Variants in EVA1C observed in about 807,000 individuals in gnomAD.
EVA1C encodes the protein protein eva-1 homolog C.
In EVA1C, 25 loss-of-function variants were observed where a neutral mutation model predicts 45.4. The ratio of observed to expected loss-of-function variants is 0.55; its 90% CI spans 0.40 to 0.77. EVA1C has a LOEUF of 0.77. Among genes scored for constraint, EVA1C ranks in the 30% least tolerant of loss-of-function variants. EVA1C has a pLI of 0.00. For missense variants in EVA1C, 479 were observed against 554.8 expected (o/e 0.86, Z 1.37); for synonymous variants, 190 against 221.2 (o/e 0.86, Z 1.25).
rs55946835 is a variant in EVA1C, at chr21:32,486,729, T to C, written c.635-8298T>C. ...ATAATATGTGTAACACTTATGTAGG[T>C]TGTAAAAGGAGAATAATATAGTGCA... is the stretch of plus-strand genomic sequence containing the variant. On this transcript the variant is annotated intron_variant, in intron 4 of 7. Coordinates refer to ENST00000300255, the MANE Select transcript of EVA1C (RefSeq NM_058187.5). Among the ~76,000 whole-genome samples the C allele has an allele frequency of 2.4e-3, 361 of 152,290 alleles. 2 individuals carry two copies. The highest frequency in any genetic ancestry group is 8.3e-3 in the African/African-American group (345 of 41,552).
Position 32,450,883 on chromosome 21 carries a change from C to T in EVA1C, c.161-2429C>T, listed in dbSNP as rs559866194. ...GACCCACACTCCTGGTGCCAATGTC[C>T]GTTTTGCCACTCATGTTAGATTTTG... On this transcript the variant is annotated intron_variant, in intron 1 of 7. Transcript: ENST00000300255. Among the ~76,000 whole-genome samples, 4 of 152,298 alleles carry T rather than the reference C, an allele frequency of 2.6e-5. No individual in the cohort carries two copies. In the South Asian group the frequency reaches 6.2e-4, roughly 24 times the overall value.
intron 1 of EVA1C, among the ~76,000 whole-genome samples, chr21:32,442,975 G>A (rs1033386120): frequency 7.0e-6 from 1 of 142,914 alleles, no homozygotes; most frequent in Non-Finnish European, 1.5e-5. Flanking sequence ...GAAGGAAGAA[G>A]GGAAGGAAGG....
At chr21:32,444,552 C>A (rs547301932) in intron 1 of EVA1C, among the ~76,000 whole-genome samples, 2 of 152,132 alleles carry the variant, frequency 1.3e-5, no homozygotes, top group Non-Finnish European at 2.9e-5. Context: ...CGTGGGTGCC[C>A]TGACTTCCAA....
At chr21:32,487,986 G>T (rs10084573) in intron 4 of EVA1C, among the ~76,000 whole-genome samples, 39,023 of 152,076 alleles carry the variant, frequency 0.26, 5,175 homozygotes, top group Admixed American at 0.32. Flanking sequence ...GGGGCTGGGG[G>T]GTAGTCTTGT....
upstream of EVA1C, chr21:32,412,607 C>G: frequency 2.6e-6 from 1 of 390,056 alleles, no homozygotes; most frequent in Non-Finnish European, 4.5e-6. Context: ...GAGATTTCCT[C>G]TCGGGGAAAC....
rs777007105 is a variant in EVA1C, at chr21:32,515,028, G to C, written c.1164G>C (p.Gly388=). 6.2e-7 allele frequency: 1 copy of C among 1,614,134 alleles called. No individual in the cohort carries two copies. Among genetic ancestry groups the C allele is most frequent in the Non-Finnish European group, 8.5e-7 (1 of 1,180,008 alleles). Residue 388 remains glycine (G), a synonymous_variant, in exon 8 of 8, where the codon GGG becomes GGC. Transcript: ENST00000300255. ...ACCCCTCTGAGTCTGATTTCCCAGG[G>C]GAACTGTCGGGGTTCTGTAGGACTT... ...EEDPSESDFP[G]ELSGFCRTSY...
intron 1 of EVA1C, among the ~76,000 whole-genome samples, chr21:32,451,552 G>A (rs145528827): frequency 2.0e-5 from 3 of 152,304 alleles, no homozygotes; most frequent in Non-Finnish European, 4.4e-5. Context: ...ACAGTCTGCT[G>A]CAACCCCTTT....
In EVA1C at chr21:32,511,419, CAAAAA is replaced by C. The variant is rs749141703; in HGVS notation, c.950-3377_950-3373del. Among the ~76,000 whole-genome samples, 9 of 47,608 alleles carry C rather than the reference CAAAAA, an allele frequency of 1.9e-4. No individual in the cohort carries two copies. In the South Asian group the frequency reaches 5.9e-3, roughly 31 times the overall value. The allele number at this position is 47,608 out of a possible 152,430, so 31.2% of individuals were successfully genotyped here. On this transcript the variant is annotated intron_variant, in intron 7 of 7. Coordinates refer to ENST00000300255, the MANE Select transcript of EVA1C (RefSeq NM_058187.5). The stretch of plus-strand genomic sequence containing the variant: ...TGGGCAACTGAGCAAAACTCCGTCT[CAAAAA>C]AAAAAAAAAAAAAAAAAGAAAGAAA...
intron 4 of EVA1C, among the ~76,000 whole-genome samples, chr21:32,484,191 G>A (rs1365184513): frequency 6.6e-6 from 1 of 152,040 alleles, no homozygotes; most frequent in Non-Finnish European, 1.5e-5. Context: ...CAAACCCCAG[G>A]GTTCCCTGGA....
Position 32,515,026 on chromosome 21 carries a change from G to A in EVA1C, c.1162G>A (p.Gly388Arg), listed in dbSNP as rs1306593344. ...EEDPSESDFP[G>R]ELSGFCRTSY... ...GGACCCCTCTGAGTCTGATTTCCCA[G>A]GGGAACTGTCGGGGTTCTGTAGGAC... Residue 388 changes from glycine (G) to arginine (R), a missense_variant, in exon 8 of 8, where the codon GGG becomes AGG. Around this residue, in one of 3 missense-constraint regions of EVA1C, gnomAD observed 366 missense variants for 426.1 expected, o/e 0.86. Coordinates refer to ENST00000300255, the MANE Select transcript of EVA1C (RefSeq NM_058187.5). 1.2e-6 allele frequency: 2 copies of A among 1,614,182 alleles called. No homozygotes were observed. Among genetic ancestry groups the A allele is most frequent in the South Asian group, 2.2e-5 (2 of 91,086 alleles).
intron 4 of EVA1C, among the ~76,000 whole-genome samples, chr21:32,476,143 CTTTT>C (rs566574081): frequency 2.0e-5 from 3 of 148,888 alleles, no homozygotes. Context: ...GCTTTTGCCT[CTTTT>C]TTTTTTCCTG....
rs2036501152 is a variant in EVA1C, at chr21:32,474,916, C to T, written c.634+7068C>T. On this transcript the variant is annotated intron_variant, in intron 4 of 7. Transcript: ENST00000300255. This position sits in a 1 kb window ranked among gnomAD's most constrained non-coding sequence, Gnocchi z 4.4. ...ACATGCCTCCAGGGCGCACCTGGGC[C>T]ACAGGCTGCCAGTGCATGTGTGATC... Among the ~76,000 whole-genome samples, 1 of 152,220 alleles carries T rather than the reference C, an allele frequency of 6.6e-6. No homozygotes were observed. Among genetic ancestry groups the T allele is most frequent in the Non-Finnish European group, 1.5e-5 (1 of 68,036 alleles).
chr21:32,471,155 C>T (rs1443953337), intron 4 of EVA1C, among the ~76,000 whole-genome samples: 2 of 152,022 alleles, frequency 1.3e-5, no homozygotes, highest in Non-Finnish European at 2.9e-5. Context: ...ATGAGGGACC[C>T]TTGGTGTTTT....
chr21:32,509,310 C>G (rs2146466996), intron 7 of EVA1C, among the ~76,000 whole-genome samples: 1 of 152,370 alleles, frequency 6.6e-6, no homozygotes, highest in South Asian at 2.1e-4. Flanking sequence ...TTGTCCATCT[C>G]TGGTGGCTGC....
intron 4 of EVA1C, among the ~76,000 whole-genome samples, chr21:32,494,155 G>A (rs779132270): frequency 1.3e-5 from 2 of 152,144 alleles, no homozygotes; most frequent in Non-Finnish European, 2.9e-5. Context: ...TCCACCATAG[G>A]TGTTCAACTG....
chr21:32,445,795 C>T lies in EVA1C; in HGVS notation c.161-7517C>T, dbSNP rs1388589486. Among the ~76,000 whole-genome samples, 3 of 152,164 alleles carry T rather than the reference C, an allele frequency of 2.0e-5. No individual in the cohort carries two copies. The East Asian group carries it at 5.8e-4, about 29-fold the overall frequency. ...TGTTCTAAGATTTGCTCAACCCAAA[C>T]CTTTCAGGATACTCCTTTGAGGAAG... On this transcript the variant is annotated intron_variant, in intron 1 of 7. Transcript: ENST00000300255.
chr21:32,448,349 T>A (rs1430120594), intron 1 of EVA1C, among the ~76,000 whole-genome samples: 2 of 152,184 alleles, frequency 1.3e-5, no homozygotes, highest in Non-Finnish European at 2.9e-5. Context: ...GTAGGTCAGA[T>A]AACTACAGGT....
chr21:32,509,700 ATTGTAAG>A (rs2037883272), intron 7 of EVA1C, among the ~76,000 whole-genome samples: 1 of 151,962 alleles, frequency 6.6e-6, no homozygotes, highest in Non-Finnish European at 1.5e-5. Flanking sequence ...GTGAGTGACG[ATTGTAAG>A]TTGGGCTGTG....
Position 32,412,818 on chromosome 21 carries a change from C to G in EVA1C, c.-36C>G, listed in dbSNP as rs1193883736. 8 of 1,363,084 alleles carry G rather than the reference C, an allele frequency of 5.9e-6. No homozygotes were observed. Among genetic ancestry groups the G allele is most frequent in the Non-Finnish European group, 5.6e-6 (6 of 1,066,852 alleles). 84.4% of individuals were successfully genotyped at this position (1,363,084 alleles called of 1,614,324 possible). On this transcript the variant is annotated 5_prime_UTR_variant, in exon 1 of 8. Coordinates refer to ENST00000300255, the MANE Select transcript of EVA1C (RefSeq NM_058187.5). ...TTAGCCCTGCGACCCCCAGCGCGTC[C>G]CGGGCCTGCGCCTCCGCCCCGCCGC...
Sources: allele counts gnomAD v4.1 joint callset (sites outside exome capture counted in the v4.1 genomes callset), GRCh38; gene constraint gnomAD v4.1.1; regional missense constraint gnomAD v4.1.1; non-coding constraint Gnocchi (gnomAD v3.1); transcripts MANE v1.5; gene names NCBI Gene and HGNC (gene_info 2026-07-23, HGNC 2026-07-21).